TVP23A: variants seen among roughly 807,000 people sequenced by gnomAD.
The protein encoded by TVP23A is Golgi apparatus membrane protein TVP23 homolog A.
A neutral mutation model predicts 31.7 loss-of-function variants in TVP23A; 21 were observed. That is an observed-to-expected ratio of 0.66 (90% CI 0.47 to 0.95). TVP23A has a LOEUF of 0.95. Among genes scored for constraint, TVP23A ranks in the 40% least tolerant of loss-of-function variants. The pLI is 0.00. For synonymous variants in TVP23A, 104 were observed against 96.0 expected (o/e 1.08, Z -0.49); for missense variants, 279 against 255.6 (o/e 1.09, Z -0.62).
chr16:10,810,967 C>A (rs2034170574), intron 2 of TVP23A, among the ~76,000 whole-genome samples: 1 of 152,186 alleles, frequency 6.6e-6, no homozygotes, highest in Non-Finnish European at 1.5e-5. Flanking sequence ...TCCATACTTA[C>A]AGATATCCTA....
rs2031225822 is a variant in TVP23A, at chr16:10,768,439, TCTA to T, written c.*660_*662del. 6.2e-6 allele frequency: 1 copy of T among 160,350 alleles called. No homozygotes were observed. Among genetic ancestry groups the T allele is most frequent in the Non-Finnish European group, 1.4e-5 (1 of 73,516 alleles). The allele number at this position is 160,350 out of a possible 1,614,324, so 9.9% of individuals were successfully genotyped here. ...CTGGCTAACATGGAGAAACACTGTC[TCTA>T]CTAAAAATATGAAAATTAGCCGGGT... On this transcript the variant is annotated 3_prime_UTR_variant, in exon 8 of 8. Coordinates refer to ENST00000299866, the MANE Select transcript of TVP23A (RefSeq NM_001079512.4). The surrounding 1 kb of genome is among the most constrained non-coding windows in gnomAD (Gnocchi z 4.3).
At chr16:10,813,905 A>G (rs2034313125) in intron 2 of TVP23A, among the ~76,000 whole-genome samples, 1 of 146,342 alleles carries the variant, frequency 6.8e-6, no homozygotes, top group African/African-American at 2.5e-5. Flanking sequence ...AGGCTGAGGC[A>G]GGAGAATCAC....
At chr16:10,759,983 A>G (rs74988634), downstream of TVP23A, among the ~76,000 whole-genome samples, 2,281 of 152,368 alleles carry the variant, frequency 0.015, 76 homozygotes, top group African/African-American at 0.051. This position sits in a 1 kb window ranked among gnomAD's most constrained non-coding sequence, Gnocchi z 4.7. Flanking sequence ...GTGACAAGCC[A>G]CAGCAGGACT....
chr16:10,758,648 G>A (rs1022291376), downstream of TVP23A, among the ~76,000 whole-genome samples: 1 of 152,186 alleles, frequency 6.6e-6, no homozygotes, highest in Non-Finnish European at 1.5e-5. Context: ...TTCATACTGT[G>A]CTGCCTGGCC....
downstream of TVP23A, among the ~76,000 whole-genome samples, chr16:10,762,562 C>T (rs1392203958): frequency 6.6e-6 from 1 of 152,144 alleles, no homozygotes; most frequent in Non-Finnish European, 1.5e-5. Context: ...GCCGGGCGGG[C>T]CTCCGTTACT....
At chr16:10,815,081 C>G (rs2034375834) in intron 2 of TVP23A, among the ~76,000 whole-genome samples, 2 of 152,126 alleles carry the variant, frequency 1.3e-5, no homozygotes, top group South Asian at 4.1e-4. Context: ...CAGCTTCTGC[C>G]TATCCCAGCG....
intron 2 of TVP23A, among the ~76,000 whole-genome samples, chr16:10,790,687 C>A (rs1427425835): frequency 6.6e-6 from 1 of 152,100 alleles, no homozygotes; most frequent in Non-Finnish European, 1.5e-5. Flanking sequence ...TAAAACCTAT[C>A]TGATGAAAAT....
chr16:10,807,252 T>C (rs995929593), intron 2 of TVP23A, among the ~76,000 whole-genome samples: 1 of 152,136 alleles, frequency 6.6e-6, no homozygotes, highest in African/African-American at 2.4e-5. Context: ...TGGGTACCAA[T>C]TAGAGATGTG....
rs779185191 is a variant in TVP23A at position 10,774,030 on chromosome 16, G to A, written c.324+9C>T. The A allele has an allele frequency of 8.7e-6, 14 of 1,606,656 alleles. No individual in the cohort carries two copies. In the East Asian group the frequency reaches 2.2e-4, roughly 26 times the overall value. On this transcript the variant is annotated intron_variant, in intron 4 of 7. Coordinates refer to ENST00000299866, the MANE Select transcript of TVP23A (RefSeq NM_001079512.4). Reference sequence around the variant, plus strand: ...CGCTCTGGTTAGTTCAGCTCGTCATGGAGAATACCTTCCTGGCTTCAAAGA... The same window carrying A: ...CGCTCTGGTTAGTTCAGCTCGTCATAGAGAATACCTTCCTGGCTTCAAAGA...
downstream of TVP23A, chr16:10,758,149 C>A: frequency 8.8e-7 from 1 of 1,130,692 alleles, no homozygotes; most frequent in Non-Finnish European, 1.2e-6. Context: ...TCCGCAGCTG[C>A]ATCTGATGTG....
Position 10,818,452 on chromosome 16 carries a change from C to T in TVP23A, c.9+33G>A. ...TCCCGCAGGCTCCCCTCGTCCCGCCCCGCCTCCAGCCCCAGCATCCCCGAG... is the reference window on the plus strand; with the variant it reads ...TCCCGCAGGCTCCCCTCGTCCCGCCTCGCCTCCAGCCCCAGCATCCCCGAG... On this transcript the variant is annotated intron_variant, in intron 1 of 7. Transcript: ENST00000299866. The surrounding 1 kb of genome is among the most constrained non-coding windows in gnomAD (Gnocchi z 4.7). 1 of 1,601,070 alleles carries T rather than the reference C, an allele frequency of 6.2e-7. No individual in the cohort carries two copies. The highest frequency in any genetic ancestry group is 8.5e-7 in the Non-Finnish European group (1 of 1,177,436).
intron 3 of TVP23A, among the ~76,000 whole-genome samples, chr16:10,774,604 CTCT>C (rs1278469880): frequency 1.4e-5 from 2 of 145,886 alleles, no homozygotes; most frequent in African/African-American, 2.6e-5. Context: ...CTCATTCTCT[CTCT>C]TTTTTTTTTT....
chr16:10,811,782 T>C (rs554288673), intron 2 of TVP23A, among the ~76,000 whole-genome samples: 10 of 151,496 alleles, frequency 6.6e-5, no homozygotes, highest in African/African-American at 2.2e-4. Flanking sequence ...CTGGCACCTG[T>C]AGTCCCATCT....
chr16:10,768,144 G>A lies in TVP23A; in HGVS notation c.*958C>T. On this transcript the variant is annotated 3_prime_UTR_variant, in exon 8 of 8. Transcript: ENST00000299866. The surrounding 1 kb of genome is among the most constrained non-coding windows in gnomAD (Gnocchi z 4.3). ...TGGTGGGGTCTGTGATGACCACAGA[G>A]TGGCCCCCATAGCCGAGGAAGCCAG... is the stretch of plus-strand genomic sequence containing the variant. The A allele has an allele frequency of 2.2e-6, 2 of 926,174 alleles. No individual in the cohort carries two copies. Among genetic ancestry groups the A allele is most frequent in the South Asian group, 1.4e-5 (1 of 70,362 alleles). The allele number at this position is 926,174 out of a possible 1,614,324, so 57.4% of individuals were successfully genotyped here. A position where few individuals can be genotyped will look rare whatever the true frequency, so the allele number is the denominator to read the frequency against.
chr16:10,764,052 A>G (rs1200966660), downstream of TVP23A, among the ~76,000 whole-genome samples: 1 of 151,698 alleles, frequency 6.6e-6, no homozygotes, highest in Non-Finnish European at 1.5e-5. Flanking sequence ...CCCAGCCCAA[A>G]GGAGCATCTC....
intron 2 of TVP23A, among the ~76,000 whole-genome samples, chr16:10,810,795 T>G (rs2034161945): frequency 6.6e-6 from 1 of 152,142 alleles, no homozygotes; most frequent in African/African-American, 2.4e-5. Flanking sequence ...GGCTTTCAGA[T>G]TCAGAATGAG....
chr16:10,807,348 T>A (rs982160638), intron 2 of TVP23A, among the ~76,000 whole-genome samples: 2 of 152,178 alleles, frequency 1.3e-5, no homozygotes, highest in African/African-American at 2.4e-5. Context: ...CCCCCACACC[T>A]CCGGCTTCTC....
In TVP23A at chr16:10,767,846, C is replaced by T; in HGVS notation, c.*1256G>A. 3.7e-6 allele frequency: 4 copies of T among 1,083,716 alleles called. No individual in the cohort carries two copies. Among genetic ancestry groups the T allele is most frequent in the Non-Finnish European group, 5.6e-6 (4 of 708,350 alleles). The allele number at this position is 1,083,716 out of a possible 1,614,324, so 67.1% of individuals were successfully genotyped here. On this transcript the variant is annotated 3_prime_UTR_variant, in exon 8 of 8. Transcript: ENST00000299866. This position sits in a 1 kb window ranked among gnomAD's most constrained non-coding sequence, Gnocchi z 4.6. ...TTCTTCATTACGAGTGAAGCGGGCT[C>T]AAGATCTTCCCATTGTCACCAGCAC...
chr16:10,791,052 T>TA (rs1202612346), intron 2 of TVP23A, among the ~76,000 whole-genome samples: 1 of 152,148 alleles, frequency 6.6e-6, no homozygotes, highest in Admixed American at 6.5e-5. Context: ...TTGGGGGGCT[T>TA]AGACTTTTAT....
Sources: gnomAD v4.1 joint callset for allele counts (sites outside exome capture counted in the v4.1 genomes callset) on GRCh38, gnomAD v4.1.1 for gene constraint, Gnocchi (gnomAD v3.1) non-coding constraint, MANE v1.5 for transcripts, NCBI Gene and HGNC (gene_info 2026-07-23, HGNC 2026-07-21) for gene names.